COP1: variants seen among roughly 807,000 people sequenced by gnomAD.
COP1 encodes E3 ubiquitin-protein ligase COP1.
COP1 carries 24 observed loss-of-function variants against 101.3 expected under a neutral mutation model. The ratio of observed to expected loss-of-function variants is 0.24; its 90% CI spans 0.17 to 0.33. COP1 has a LOEUF of 0.33. Among genes scored for constraint, COP1 ranks in the 10% least tolerant of loss-of-function variants. The pLI, the probability that COP1 is intolerant of heterozygous loss-of-function variation, is 1.00. For synonymous variants in COP1, 347 were observed against 341.9 expected, an observed-to-expected ratio of 1.01 and a Z score of -0.17; for missense variants, 663 against 906.2, an observed-to-expected ratio of 0.73 and a Z score of 3.45.
intron 9 of COP1, among the ~76,000 whole-genome samples, chr1:176,109,762 A>G (rs1684961403): frequency 1.3e-5 from 2 of 152,198 alleles, no homozygotes; most frequent in African/African-American, 4.8e-5. Context: ...GTATGCATCA[A>G]CACTGTCTTA....
At chr1:176,168,768 A>T (rs1336095983) in intron 3 of COP1, 1 of 250,276 alleles carries the variant, frequency 4.0e-6, no homozygotes. Flanking sequence ...AGTAAGGGAG[A>T]AACAGAAGAG....
chr1:175,992,032 G>C (rs961731697), intron 15 of COP1, among the ~76,000 whole-genome samples: 1 of 152,136 alleles, frequency 6.6e-6, no homozygotes, highest in African/African-American at 2.4e-5. Context: ...TCTTTATCAA[G>C]TATTGTGTAG....
At chr1:176,008,683 C>T (rs1263143159) in intron 15 of COP1, among the ~76,000 whole-genome samples, 2 of 152,110 alleles carry the variant, frequency 1.3e-5, no homozygotes, top group Admixed American at 1.3e-4. Context: ...TATGTGGCAA[C>T]TGTGGACTCG....
chr1:176,041,279 G>T (rs979930464), intron 14 of COP1, among the ~76,000 whole-genome samples: 1 of 151,950 alleles, frequency 6.6e-6, no homozygotes, highest in Non-Finnish European at 1.5e-5. Flanking sequence ...TTAGAATAAG[G>T]ATGCAGTACA....
At chr1:175,951,236 C>A (rs1649848173) in intron 18 of COP1, among the ~76,000 whole-genome samples, 1 of 151,118 alleles carries the variant, frequency 6.6e-6, no homozygotes, top group Non-Finnish European at 1.5e-5. Context: ...CCAACAAGAG[C>A]AAAACTCCAT....
chr1:176,117,584 C>T (rs928729491), intron 8 of COP1, among the ~76,000 whole-genome samples: 3 of 152,186 alleles, frequency 2.0e-5, no homozygotes, highest in Non-Finnish European at 2.9e-5. Flanking sequence ...GTAAATTCTT[C>T]TTCTCTATTT....
intron 11 of COP1, among the ~76,000 whole-genome samples, chr1:176,058,583 A>G (rs1339940854): frequency 6.6e-6 from 1 of 151,896 alleles, no homozygotes; most frequent in Non-Finnish European, 1.5e-5. Context: ...AGTCATCACC[A>G]CTCCCTAATC....
At chr1:176,030,621 T>C (rs768162940) in intron 14 of COP1, among the ~76,000 whole-genome samples, 3 of 152,214 alleles carry the variant, frequency 2.0e-5, no homozygotes, top group Non-Finnish European at 4.4e-5. Flanking sequence ...ACCATGATTA[T>C]AATTTTCAAT....
intron 11 of COP1, among the ~76,000 whole-genome samples, chr1:176,050,014 T>G (rs1672260876): frequency 6.6e-6 from 1 of 152,368 alleles, no homozygotes; most frequent in Non-Finnish European, 1.5e-5. Context: ...TGCCATCCAC[T>G]GTCAGCAGTA....
At chr1:176,067,960 C>A (rs1676305308) in intron 11 of COP1, among the ~76,000 whole-genome samples, 1 of 152,166 alleles carries the variant, frequency 6.6e-6, no homozygotes, top group African/African-American at 2.4e-5. Context: ...ACCAAAGAAA[C>A]AAGCCACACC....
intron 14 of COP1, among the ~76,000 whole-genome samples, chr1:176,032,760 T>C (rs1440492840): frequency 6.6e-6 from 1 of 152,004 alleles, no homozygotes; most frequent in East Asian, 1.9e-4. Flanking sequence ...AGACATCTAC[T>C]GGTCACATAA....
chr1:176,179,729 C>G (rs781532494), intron 2 of COP1, among the ~76,000 whole-genome samples: 8 of 152,008 alleles, frequency 5.3e-5, no homozygotes, highest in Non-Finnish European at 2.9e-5. Flanking sequence ...GAGTGACACC[C>G]AGTCTCAAAA....
chr1:176,167,294 CAG>C (rs1695289969), intron 3 of COP1, among the ~76,000 whole-genome samples: 1 of 152,124 alleles, frequency 6.6e-6, no homozygotes, highest in Non-Finnish European at 1.5e-5. Flanking sequence ...TACCTATTAG[CAG>C]AAGACATCAG....
intron 18 of COP1, among the ~76,000 whole-genome samples, chr1:175,964,421 T>TG (rs1329075321): frequency 1.6e-5 from 1 of 61,132 alleles, no homozygotes; most frequent in African/African-American, 3.3e-5. Flanking sequence ...AAAATTTTAC[T>TG]GGGGAAAAAA....
At chr1:176,113,548 A>G (rs1685648279) in intron 9 of COP1, among the ~76,000 whole-genome samples, 1 of 152,114 alleles carries the variant, frequency 6.6e-6, no homozygotes, top group Non-Finnish European at 1.5e-5. Flanking sequence ...TAGAAATTTC[A>G]AAGTAGTGTT....
intron 15 of COP1, among the ~76,000 whole-genome samples, chr1:176,011,697 T>A (rs1044463127): frequency 6.6e-6 from 1 of 152,206 alleles, no homozygotes; most frequent in African/African-American, 2.4e-5. Flanking sequence ...TTTATTATAA[T>A]GCACTTATAT....
intron 1 of COP1, among the ~76,000 whole-genome samples, chr1:176,191,590 G>GA (rs1225147765): frequency 1.3e-5 from 2 of 149,596 alleles, no homozygotes; most frequent in Non-Finnish European, 3.0e-5. Flanking sequence ...GAGTAAAAAG[G>GA]AAAAAAAAAT....
intron 11 of COP1, among the ~76,000 whole-genome samples, chr1:176,066,200 T>A (rs1675934504): frequency 6.6e-6 from 1 of 152,182 alleles, no homozygotes; most frequent in Non-Finnish European, 1.5e-5. Context: ...TTTGTTCAAA[T>A]GATATAAAAG....
At chr1:176,063,840 G>A (rs1292495237) in intron 11 of COP1, among the ~76,000 whole-genome samples, 1 of 152,074 alleles carries the variant, frequency 6.6e-6, no homozygotes, top group Non-Finnish European at 1.5e-5. Context: ...TGTAGCTCTC[G>A]TTAAACCAAT....
Sources: gnomAD v4.1 joint callset for allele counts (sites outside exome capture counted in the v4.1 genomes callset) on GRCh38, gnomAD v4.1.1 for gene constraint, MANE v1.5 for transcripts, NCBI Gene and HGNC (gene_info 2026-07-23, HGNC 2026-07-21) for gene names.